The following NELL2 variants were observed in gnomAD, a reference collection of about 807,000 sequenced individuals.
NELL2 encodes protein kinase C-binding protein NELL2.
NELL2 carries 41 observed loss-of-function variants against 109.6 expected under a neutral mutation model. The ratio of observed to expected loss-of-function variants is 0.37; its 90% CI spans 0.29 to 0.49. The LOEUF is 0.49. Ranked by LOEUF, NELL2 falls within the 20% of genes least tolerant of loss-of-function variation. The pLI is 0.98. For synonymous variants in NELL2, 355 were observed against 344.7 expected, an observed-to-expected ratio of 1.03 and a Z score of -0.33; for missense variants, 900 against 1,008.3, an observed-to-expected ratio of 0.89 and a Z score of 1.45.
chr12:44,892,714 C>T (rs945545041), intron 1 of NELL2, among the ~76,000 whole-genome samples: 1 of 145,346 alleles, frequency 6.9e-6, no homozygotes, highest in Non-Finnish European at 1.5e-5. Context: ...AGGAGAATGG[C>T]GTGAACCCGG....
chr12:44,681,931 C>G (rs1948523242), intron 12 of NELL2, among the ~76,000 whole-genome samples: 1 of 151,446 alleles, frequency 6.6e-6, no homozygotes, highest in Non-Finnish European at 1.5e-5. Context: ...GGGTATATAC[C>G]CAGTAATGGG....
At chr12:44,528,966 G>C (rs545920614) in intron 16 of NELL2, among the ~76,000 whole-genome samples, 1 of 152,332 alleles carries the variant, frequency 6.6e-6, no homozygotes, top group East Asian at 1.9e-4. Flanking sequence ...TGCATATCAT[G>C]TGAGCCCTTG....
chr12:44,917,206 C>T (rs965837267), upstream of NELL2, among the ~76,000 whole-genome samples: 6 of 152,152 alleles, frequency 3.9e-5, no homozygotes, highest in African/African-American at 1.4e-4. Context: ...AAGAAAATGT[C>T]AAAAGGTCTT....
intron 15 of NELL2, among the ~76,000 whole-genome samples, chr12:44,570,607 A>G (rs1869253): frequency 0.2 from 29,926 of 152,060 alleles, 3,117 homozygotes; most frequent in South Asian, 0.33. Flanking sequence ...AAAATATAAA[A>G]CTCAAAATTT....
chr12:44,586,683 T>C (rs1043947960), intron 15 of NELL2, among the ~76,000 whole-genome samples: 1 of 152,210 alleles, frequency 6.6e-6, no homozygotes, highest in Non-Finnish European at 1.5e-5. Context: ...ACAGAGTTGC[T>C]ATGCCAAGTA....
At chr12:44,882,719 G>T (rs1390815918) in intron 1 of NELL2, among the ~76,000 whole-genome samples, 3 of 151,388 alleles carry the variant, frequency 2.0e-5, no homozygotes, top group African/African-American at 7.3e-5. Flanking sequence ...GTAGAGACAG[G>T]GTTTCACCAT....
chr12:44,545,013 A>G (rs1013153106), intron 15 of NELL2, among the ~76,000 whole-genome samples: 1 of 152,100 alleles, frequency 6.6e-6, no homozygotes, highest in African/African-American at 2.4e-5. Context: ...GAAGATCACA[A>G]GTCAAACCAC....
At chr12:44,599,855 G>C (rs1700822876) in intron 15 of NELL2, among the ~76,000 whole-genome samples, 1 of 151,404 alleles carries the variant, frequency 6.6e-6, no homozygotes, top group African/African-American at 2.4e-5. Context: ...GTTTTAAAAT[G>C]AATTACAATT....
chr12:44,864,390 G>A (rs1018442146), intron 2 of NELL2, among the ~76,000 whole-genome samples: 14 of 151,990 alleles, frequency 9.2e-5, no homozygotes, highest in African/African-American at 3.4e-4. Context: ...AAATTCCATG[G>A]AAATGGAAAA....
chr12:44,896,575 A>C (rs866342068), intron 1 of NELL2, among the ~76,000 whole-genome samples: 1 of 152,238 alleles, frequency 6.6e-6, no homozygotes, highest in African/African-American at 2.4e-5. Context: ...GAAGCTATAC[A>C]TGTATACATA....
chr12:44,855,145 G>C (rs149068150), intron 2 of NELL2, among the ~76,000 whole-genome samples: 1 of 152,054 alleles, frequency 6.6e-6, no homozygotes, highest in Middle Eastern at 3.2e-3. Context: ...TCCTCAATTT[G>C]TATTAAGCAC....
At chr12:44,875,427 A>T in intron 1 of NELL2, 74 bp from the exon 2 acceptor site, 1 of 1,613,978 alleles carries the variant, frequency 6.2e-7, no homozygotes, top group Non-Finnish European at 8.5e-7. Context: ...CCTCCAGGGC[A>T]GCAAAGAACC....
At chr12:44,589,715 G>A (rs1450310115) in intron 15 of NELL2, among the ~76,000 whole-genome samples, 1 of 152,172 alleles carries the variant, frequency 6.6e-6, no homozygotes, top group Non-Finnish European at 1.5e-5. Flanking sequence ...CTTTAAGGTT[G>A]CTCTTAATTA....
intron 2 of NELL2, among the ~76,000 whole-genome samples, chr12:44,873,730 C>A (rs1251320610): frequency 1.3e-4 from 15 of 118,436 alleles, no homozygotes; most frequent in African/African-American, 5.2e-4. Flanking sequence ...CAACACAATA[C>A]AAAACAACAA....
At chr12:44,714,998 G>A (rs1938411823) in intron 9 of NELL2, among the ~76,000 whole-genome samples, 1 of 151,828 alleles carries the variant, frequency 6.6e-6, no homozygotes, top group Admixed American at 6.6e-5. Context: ...TGAAAAAGTA[G>A]TGCCAAAAAG....
chr12:44,786,219 G>A (rs184966072), intron 3 of NELL2, among the ~76,000 whole-genome samples: 1 of 151,928 alleles, frequency 6.6e-6, no homozygotes, highest in African/African-American at 2.4e-5. Flanking sequence ...AGTGGGCAAA[G>A]ACTAACAGAC....
chr12:44,621,168 G>A (rs1007840337), intron 13 of NELL2, among the ~76,000 whole-genome samples: 9 of 151,966 alleles, frequency 5.9e-5, no homozygotes, highest in African/African-American at 1.5e-4. Flanking sequence ...TGCTATTCTC[G>A]GCCCAGAAAG....
At chr12:44,918,891 A>G (rs1945849130), upstream of NELL2, among the ~76,000 whole-genome samples, 1 of 152,128 alleles carries the variant, frequency 6.6e-6, no homozygotes, top group Admixed American at 6.6e-5. Flanking sequence ...TTCCCAATGT[A>G]GAGGCTAACA....
chr12:44,636,146 C>G (rs182743084), intron 13 of NELL2, among the ~76,000 whole-genome samples: 2 of 152,270 alleles, frequency 1.3e-5, no homozygotes, highest in Non-Finnish European at 1.5e-5. Context: ...TATCCTGAGA[C>G]TTTGCTGAGG....
Sources: gnomAD v4.1 joint callset for allele counts (sites outside exome capture counted in the v4.1 genomes callset) on GRCh38, gnomAD v4.1.1 for gene constraint, MANE v1.5 for transcripts, NCBI Gene and HGNC (gene_info 2026-07-23, HGNC 2026-07-21) for gene names.